The following ANLN variants were observed in gnomAD, a reference collection of about 807,000 sequenced individuals.
The protein encoded by ANLN is anillin, actin binding protein, also known as anillin.
ANLN carries 59 observed loss-of-function variants against 135.1 expected under a neutral mutation model. That is an observed-to-expected ratio of 0.44 (90% CI 0.35 to 0.54). The LOEUF is 0.54. ANLN is among the 20% of genes least tolerant of loss of function. The probability of loss-of-function intolerance (pLI) is 0.00; values close to 1 mark genes in which losing one functional copy is unlikely to be tolerated. For missense variants in ANLN, 1,182 were observed against 1,340.0 expected (o/e 0.88, Z 1.84); for synonymous variants, 406 against 456.4 (o/e 0.89, Z 1.41).
At chr7:36,411,252 T>A in intron 7 of ANLN, 86 bp downstream of exon 7, 3 of 1,061,162 alleles carry the variant, frequency 2.8e-6, no homozygotes, top group Middle Eastern at 4.2e-4. Context: ...AAATAATTCT[T>A]TACACATTTT....
intron 17 of ANLN, 47 bp from the exon 18 acceptor site, chr7:36,425,655 A>G (rs755205791): frequency 5.7e-6 from 8 of 1,398,226 alleles, no homozygotes; most frequent in Non-Finnish European, 8.0e-6. Flanking sequence ...TTTCTGAGAC[A>G]TAATGTTTAA....
At position 36,407,957 on chromosome 7, in the gene ANLN, G is replaced by T. The variant is rs1787261430; in HGVS notation, c.1096+1G>T. 4 of 1,604,548 alleles carry T rather than the reference G, an allele frequency of 2.5e-6. No homozygotes were observed. The highest frequency in any genetic ancestry group is 3.4e-6 in the Non-Finnish European group (4 of 1,175,360). Reference sequence around the variant, plus strand: ...TCTAAAGACAAATCTACGACACCAGGTTACGTATTTATAAAAAATTTAGTT... The same window carrying T: ...TCTAAAGACAAATCTACGACACCAGTTTACGTATTTATAAAAAATTTAGTT... On this transcript the variant is annotated splice_donor_variant, in intron 5 of 23. Transcript: ENST00000265748. LOFTEE classifies it high-confidence loss of function.
At position 36,389,931 on chromosome 7, in the gene ANLN, G is replaced by A. The variant is rs768884903; in HGVS notation, c.-96G>A. 6 of 1,610,330 alleles carry A rather than the reference G, an allele frequency of 3.7e-6. No homozygotes were observed. The highest frequency in any genetic ancestry group is 5.1e-6 in the Non-Finnish European group (6 of 1,177,324). On this transcript the variant is annotated 5_prime_UTR_variant, in exon 1 of 24. Transcript: ENST00000265748. ...GAGAGTTCCCCCGCCTCAGACTCCT[G>A]GTTTTTTCCAGGAGACACACTGAGC...
chr7:36,397,218 G>A (rs28437257), intron 2 of ANLN, among the ~76,000 whole-genome samples: 1,719 of 152,194 alleles, frequency 0.011, 110 homozygotes, highest in Admixed American at 0.11. Flanking sequence ...GCTAATCATA[G>A]AACAAGAATT....
Position 36,395,663 on chromosome 7 carries a change from A to G in ANLN, c.19-603A>G, listed in dbSNP as rs557813255. 2.0e-4 allele frequency among the ~76,000 whole-genome samples: 31 copies of G among 152,234 alleles called. No homozygotes were observed. The Middle Eastern group carries it at 0.01, about 50-fold the overall frequency. ...TTATTTCTCATGATTCAGTGGGTCA[A>G]CAATTTGTATTGTGCTCAGCCGGGC... is the stretch of plus-strand genomic sequence containing the variant. On this transcript the variant is annotated intron_variant, in intron 1 of 23. Transcript: ENST00000265748.
chr7:36,450,961 A>G (rs1054327470), intron 23 of ANLN, among the ~76,000 whole-genome samples: 1 of 152,188 alleles, frequency 6.6e-6, no homozygotes, highest in African/African-American at 2.4e-5. Flanking sequence ...AGCAGATTAC[A>G]TGTTGCTTTA....
Position 36,419,335 on chromosome 7 carries a change from A to T in ANLN, c.1725A>T (p.Glu575Asp). 1 of 1,614,160 alleles carries T rather than the reference A, an allele frequency of 6.2e-7. No individual in the cohort carries two copies. The highest frequency in any genetic ancestry group is 1.3e-5 in the African/African-American group (1 of 75,060). ...INDLFSDVLE[E>D]GELDMEKSQE... ...ACCTCTTCAGTGATGTCCTAGAGGA[A>T]GGTGAACTAGATATGGAGAAGAGCC... Residue 575 changes from glutamate to aspartate, a missense_variant, in exon 10 of 24, where the codon GAA becomes GAT. Around this residue, in one of 3 missense-constraint regions of ANLN, gnomAD observed 1,022 missense variants for 1,134.0 expected, o/e 0.90. Coordinates refer to ENST00000265748, the MANE Select transcript of ANLN (RefSeq NM_018685.5).
intron 8 of ANLN, 77 bp from the exon 9 acceptor site, chr7:36,417,003 A>AC (rs1348236181): frequency 3.2e-5 from 23 of 724,968 alleles, no homozygotes; most frequent in Middle Eastern, 4.3e-4. Context: ...AGAAAAAAAA[A>AC]ACACACACAA....
At chr7:36,393,632 G>A (rs1399722477) in intron 1 of ANLN, among the ~76,000 whole-genome samples, 2 of 152,194 alleles carry the variant, frequency 1.3e-5, no homozygotes, top group Non-Finnish European at 2.9e-5. Context: ...TATGTCAAAA[G>A]GTGAGGTGGG....
chr7:36,432,169 G>T (rs1454940586), intron 20 of ANLN, among the ~76,000 whole-genome samples: 2 of 152,194 alleles, frequency 1.3e-5, no homozygotes, highest in Admixed American at 6.5e-5. Flanking sequence ...GTTCAAGGCT[G>T]CAGTGAGCTA....
intron 12 of ANLN, among the ~76,000 whole-genome samples, chr7:36,421,571 T>A (rs895659161): frequency 1.3e-5 from 2 of 152,066 alleles, no homozygotes; most frequent in African/African-American, 4.8e-5. Context: ...ATAAAATGAA[T>A]CAGATACTTT....
chr7:36,413,383 A>G (rs961059866), intron 7 of ANLN, among the ~76,000 whole-genome samples: 2 of 152,134 alleles, frequency 1.3e-5, no homozygotes, highest in Non-Finnish European at 2.9e-5. Flanking sequence ...TCACCTACTA[A>G]TCAATTTTCA....
At position 36,415,747 on chromosome 7, in the gene ANLN, G is replaced by T; in HGVS notation, c.1396-11G>T. The T allele has an allele frequency of 1.3e-6, 2 of 1,565,424 alleles. No individual in the cohort carries two copies. The highest frequency in any genetic ancestry group is 1.7e-6 in the Non-Finnish European group (2 of 1,163,708). On this transcript the variant is annotated splice_polypyrimidine_tract_variant and intron_variant, in intron 7 of 23. Transcript: ENST00000265748. ...GAGAAATAAAATTTACTTTTCATTC[G>T]CTTTTTGCAGGAAACTCACTGTCAG...
intron 23 of ANLN, among the ~76,000 whole-genome samples, chr7:36,451,566 C>T (rs576383959): frequency 2.0e-5 from 3 of 152,312 alleles, no homozygotes; most frequent in Admixed American, 2.0e-4. Flanking sequence ...ACAGAGACTT[C>T]AGACAACAGA....
chr7:36,427,729 TA>T (rs1175723188), intron 20 of ANLN, among the ~76,000 whole-genome samples: 2 of 152,218 alleles, frequency 1.3e-5, no homozygotes, highest in Non-Finnish European at 2.9e-5. Context: ...AAAGGTAGAT[TA>T]ACCTCTTAGA....
rs114387561 is a variant in ANLN at position 36,398,781 on chromosome 7, C to G, written c.173-298C>G. Among the ~76,000 whole-genome samples, 1,191 of 151,018 alleles carry G rather than the reference C, an allele frequency of 7.9e-3. 12 individuals carry two copies. Among genetic ancestry groups the G allele is most frequent in the African/African-American group, 0.024 (970 of 41,198 alleles). On this transcript the variant is annotated intron_variant, in intron 2 of 23. Coordinates refer to ENST00000265748, the MANE Select transcript of ANLN (RefSeq NM_018685.5). ...CCTCGCCCCCCTTCCGCTCTTCCCC[C>G]CAAGTCCCCAGAGTCCATTGCATCC...
intron 17 of ANLN, among the ~76,000 whole-genome samples, chr7:36,425,395 AGC>A (rs1788040839): frequency 6.6e-6 from 1 of 151,538 alleles, no homozygotes; most frequent in South Asian, 2.1e-4. Context: ...CCCAGGTTCA[AGC>A]GATTCTCCTG....
chr7:36,442,794 G>A (rs1345648069), intron 21 of ANLN, among the ~76,000 whole-genome samples: 2 of 151,860 alleles, frequency 1.3e-5, no homozygotes, highest in African/African-American at 4.8e-5. Flanking sequence ...GCCACGCCTG[G>A]CTAATTTTTG....
chr7:36,415,713 T>C (rs1328585841), intron 7 of ANLN, 45 bp from the exon 8 acceptor site: 2 of 1,519,782 alleles, frequency 1.3e-6, no homozygotes, highest in Non-Finnish European at 8.8e-7. Flanking sequence ...AGATAAAATA[T>C]ATAGTTTTGA....
Sources: gnomAD v4.1 joint callset for allele counts (sites outside exome capture counted in the v4.1 genomes callset) on GRCh38, gnomAD v4.1.1 for gene constraint, gnomAD v4.1.1 regional missense constraint, MANE v1.5 for transcripts, NCBI Gene and HGNC (gene_info 2026-07-23, HGNC 2026-07-21) for gene names.